The following RBFOX1 variants were observed in gnomAD, a reference collection of about 807,000 sequenced individuals.
The protein encoded by RBFOX1 is RNA binding fox-1 homolog 1, also known as RNA binding protein fox-1 homolog 1.
Under a neutral mutation model 57.7 loss-of-function variants are expected in RBFOX1, and 8 were observed. That is an observed-to-expected ratio of 0.14 (90% CI 0.08 to 0.25). The LOEUF (loss-of-function observed/expected upper bound fraction) is 0.25. Among genes scored for constraint, RBFOX1 ranks in the 10% least tolerant of loss-of-function variants. RBFOX1 has a pLI of 1.00. For missense variants in RBFOX1, 611 were observed against 548.5 expected (o/e 1.11, Z -1.14); for synonymous variants, 326 against 222.4 (o/e 1.47, Z -4.15).
At chr16:6,708,651 T>G (rs2063195595) in intron 3 of RBFOX1, among the ~76,000 whole-genome samples, 1 of 152,238 alleles carries the variant, frequency 6.6e-6, no homozygotes, top group African/African-American at 2.4e-5. Context: ...TCTGCCACTA[T>G]GCATTCACTT....
At chr16:6,767,598 A>C (rs1333458376) in intron 3 of RBFOX1, among the ~76,000 whole-genome samples, 2 of 152,090 alleles carry the variant, frequency 1.3e-5, no homozygotes, top group Non-Finnish European at 2.9e-5. Context: ...AAATCTTTCA[A>C]ATCCCAAAGA....
intron 4 of RBFOX1, among the ~76,000 whole-genome samples, chr16:5,986,841 C>T (rs554359535): frequency 1.3e-5 from 2 of 152,266 alleles, no homozygotes; most frequent in South Asian, 4.1e-4. Context: ...CATTGGTGTA[C>T]AGGGTGTTGT....
chr16:7,507,605 C>A lies in RBFOX1; in HGVS notation c.28-10542C>A, dbSNP rs187893913. 2.1e-3 allele frequency among the ~76,000 whole-genome samples: 287 copies of A among 138,564 alleles called. 1 individual carries two copies. Among genetic ancestry groups the A allele is most frequent in the South Asian group, 3.3e-3 (14 of 4,268 alleles). 90.9% of individuals were successfully genotyped at this position (138,564 alleles called of 152,430 possible). A position where few individuals can be genotyped will look rare whatever the true frequency, so the allele number is the denominator to read the frequency against. On this transcript the variant is annotated intron_variant, in intron 4 of 15. Transcript: ENST00000550418. ...TTGAGACGGAGTCTTGCTGTGTCACCCAGGCTGGAGTGCAGTGGCGCGATC... is the reference window on the plus strand; with the variant it reads ...TTGAGACGGAGTCTTGCTGTGTCACACAGGCTGGAGTGCAGTGGCGCGATC...
At chr16:6,585,974 T>A (rs1323985574) in intron 2 of RBFOX1, among the ~76,000 whole-genome samples, 1 of 152,200 alleles carries the variant, frequency 6.6e-6, no homozygotes, top group African/African-American at 2.4e-5. Flanking sequence ...GTTTTAAACG[T>A]TCAAAACAGT....
chr16:7,019,890 C>A (rs1255207306), intron 3 of RBFOX1, among the ~76,000 whole-genome samples: 1 of 152,296 alleles, frequency 6.6e-6, no homozygotes, highest in East Asian at 1.9e-4. Context: ...TGCGTGTGTT[C>A]CAACTAAACC....
chr16:5,736,979 C>G (rs989096063), intron 3 of RBFOX1, among the ~76,000 whole-genome samples: 1 of 150,104 alleles, frequency 6.7e-6, no homozygotes, highest in African/African-American at 2.5e-5. Context: ...TTATTCCTAT[C>G]TTTCTCTGAT....
At chr16:6,208,607 C>T (rs1209033046) in intron 1 of RBFOX1, among the ~76,000 whole-genome samples, 5 of 152,144 alleles carry the variant, frequency 3.3e-5, no homozygotes, top group South Asian at 2.1e-4. Flanking sequence ...TGTCCGCTGA[C>T]GGTGTTGTGA....
chr16:5,763,335 G>GTT (rs1029500408), intron 3 of RBFOX1, among the ~76,000 whole-genome samples: 6 of 152,186 alleles, frequency 3.9e-5, no homozygotes, highest in Non-Finnish European at 4.4e-5. Flanking sequence ...CATGCTGCTC[G>GTT]TTGCCCAAGT....
chr16:6,999,229 A>AT (rs1208010446), intron 3 of RBFOX1, among the ~76,000 whole-genome samples: 1,323 of 66,762 alleles, frequency 0.02, 30 homozygotes, highest in Non-Finnish European at 0.025. Context: ...TTTTTTATTT[A>AT]TTTTTTTTTT....
chr16:5,771,989 T>C (rs920722549), intron 3 of RBFOX1, among the ~76,000 whole-genome samples: 3 of 152,078 alleles, frequency 2.0e-5, no homozygotes, highest in Admixed American at 6.5e-5. Context: ...CTGACCAACA[T>C]GGTGAAACCC....
At chr16:7,450,802 A>G (rs965770185) in intron 4 of RBFOX1, among the ~76,000 whole-genome samples, 2 of 152,100 alleles carry the variant, frequency 1.3e-5, no homozygotes, top group Admixed American at 6.5e-5. Flanking sequence ...AAGAGGCTCA[A>G]TGACAGCAGG....
intron 3 of RBFOX1, among the ~76,000 whole-genome samples, chr16:6,883,593 A>G (rs1252402202): frequency 6.6e-6 from 1 of 152,234 alleles, no homozygotes; most frequent in African/African-American, 2.4e-5. Context: ...ATATTGAAGT[A>G]ACACCCTCAA....
intron 4 of RBFOX1, among the ~76,000 whole-genome samples, chr16:7,169,699 A>C (rs138006695): frequency 5.3e-5 from 8 of 152,296 alleles, no homozygotes; most frequent in African/African-American, 1.9e-4. Context: ...CAATGTCAAG[A>C]CTATTTTGTT....
At chr16:6,192,986 A>T (rs1206003869) in intron 1 of RBFOX1, among the ~76,000 whole-genome samples, 1 of 152,152 alleles carries the variant, frequency 6.6e-6, no homozygotes, top group Non-Finnish European at 1.5e-5. Flanking sequence ...AGCCTGAAAA[A>T]GTCCCATTCA....
chr16:7,388,733 C>T (rs1056345904), intron 4 of RBFOX1, among the ~76,000 whole-genome samples: 2 of 145,328 alleles, frequency 1.4e-5, no homozygotes, highest in East Asian at 2.1e-4. Context: ...CAATGAATTC[C>T]ACGAGATATT....
intron 2 of RBFOX1, among the ~76,000 whole-genome samples, chr16:5,560,282 G>C (rs534877898): frequency 6.6e-6 from 1 of 152,012 alleles, no homozygotes; most frequent in East Asian, 1.9e-4. Flanking sequence ...GAAGCACTTA[G>C]TCACCTCCTC....
At chr16:7,656,213 T>C (rs1222138473) in intron 12 of RBFOX1, among the ~76,000 whole-genome samples, 1 of 152,184 alleles carries the variant, frequency 6.6e-6, no homozygotes, top group Non-Finnish European at 1.5e-5. Flanking sequence ...AATAACCTAT[T>C]AGAGCAAGGT....
chr16:6,295,781 G>C (rs748637897), intron 1 of RBFOX1, among the ~76,000 whole-genome samples: 2 of 152,196 alleles, frequency 1.3e-5, no homozygotes, highest in Non-Finnish European at 1.5e-5. Context: ...AACGTGCAGA[G>C]CCCGCTGTTC....
chr16:7,365,062 C>G (rs1240416154), intron 4 of RBFOX1, among the ~76,000 whole-genome samples: 1 of 152,206 alleles, frequency 6.6e-6, no homozygotes, highest in Admixed American at 6.5e-5. Flanking sequence ...AATCATCTAT[C>G]TATCATTCGT....
Sources: gnomAD v4.1 joint callset for allele counts (sites outside exome capture counted in the v4.1 genomes callset) on GRCh38, gnomAD v4.1.1 for gene constraint, MANE v1.5 for transcripts, NCBI Gene and HGNC (gene_info 2026-07-23, HGNC 2026-07-21) for gene names.